FOXK2: variants seen among roughly 807,000 people sequenced by gnomAD.
The protein encoded by FOXK2 is forkhead box protein K2.
FOXK2 carries 24 observed loss-of-function variants against 53.3 expected under a neutral mutation model. That is an observed-to-expected ratio of 0.45 (90% CI 0.33 to 0.63). FOXK2 has a LOEUF of 0.63. Ranked by LOEUF, FOXK2 falls within the 30% of genes least tolerant of loss-of-function variation. The pLI is 0.03. For missense variants in FOXK2, 952 were observed against 910.5 expected (o/e 1.05, Z -0.59); for synonymous variants, 505 against 407.1 (o/e 1.24, Z -2.89).
chr17:82,573,862 C>A (rs2044951198), intron 4 of FOXK2, among the ~76,000 whole-genome samples: 2 of 152,208 alleles, frequency 1.3e-5, no homozygotes, highest in Non-Finnish European at 2.9e-5. Context: ...TTGAGAACTA[C>A]CTATGAACAG....
chr17:82,540,163 C>T (rs1329590217), intron 1 of FOXK2, among the ~76,000 whole-genome samples: 1 of 151,976 alleles, frequency 6.6e-6, no homozygotes, highest in East Asian at 1.9e-4. Flanking sequence ...TGCCTGTAAT[C>T]CTGGCTACTT....
At chr17:82,535,746 T>C (rs929311129) in intron 1 of FOXK2, among the ~76,000 whole-genome samples, 9 of 127,720 alleles carry the variant, frequency 7.0e-5, no homozygotes, top group African/African-American at 2.6e-4. Flanking sequence ...TTGTGTGTTT[T>C]TGTTTTTGTT....
chr17:82,564,973 G>A (rs952848968), intron 2 of FOXK2, among the ~76,000 whole-genome samples: 2 of 151,606 alleles, frequency 1.3e-5, no homozygotes, highest in Non-Finnish European at 2.9e-5. Flanking sequence ...CAGGTGATCC[G>A]CCTGCCTCGG....
intron 1 of FOXK2, among the ~76,000 whole-genome samples, chr17:82,542,038 G>A (rs1006848532): frequency 1.3e-5 from 2 of 151,770 alleles, no homozygotes; most frequent in South Asian, 4.2e-4. Flanking sequence ...GCACCACCAC[G>A]CCTGGCTATG....
chr17:82,599,700 C>A (rs1306188332), intron 8 of FOXK2: 1 of 152,422 alleles, frequency 6.6e-6, no homozygotes, highest in Middle Eastern at 3.4e-3. Flanking sequence ...GACCACGCAC[C>A]TGGCCGGACT....
At chr17:82,586,267 G>T in intron 7 of FOXK2, 67 bp downstream of exon 7, 1 of 492,568 alleles carries the variant, frequency 2.0e-6, no homozygotes, top group East Asian at 3.8e-5. Context: ...GGGGGGGAAA[G>T]GAGGAGAGGG....
chr17:82,528,772 A>G (rs1270055695), intron 1 of FOXK2, among the ~76,000 whole-genome samples: 3 of 152,230 alleles, frequency 2.0e-5, no homozygotes, highest in Non-Finnish European at 4.4e-5. Flanking sequence ...TGTTAGGAAC[A>G]GAGAAGGTGC....
chr17:82,544,844 C>T (rs1432315707), intron 1 of FOXK2, among the ~76,000 whole-genome samples: 1 of 152,070 alleles, frequency 6.6e-6, no homozygotes, highest in East Asian at 1.9e-4. Context: ...AGCTCTGTGT[C>T]TGCAGTGCTA....
chr17:82,594,221 G>A, intron 8 of FOXK2, among the ~76,000 whole-genome samples: 1 of 152,224 alleles, frequency 6.6e-6, no homozygotes, highest in Non-Finnish European at 1.5e-5. Context: ...TAGACAGGCC[G>A]GGCACGGCGG....
At chr17:82,595,676 A>G (rs2045302459) in intron 8 of FOXK2, 3 of 890,754 alleles carry the variant, frequency 3.4e-6, no homozygotes, top group South Asian at 1.6e-5. Flanking sequence ...TGAAAGCTCT[A>G]ACAGTGGGGT....
chr17:82,538,100 G>C (rs764415862), intron 1 of FOXK2, among the ~76,000 whole-genome samples: 4 of 152,014 alleles, frequency 2.6e-5, no homozygotes, highest in Non-Finnish European at 5.9e-5. Context: ...GTCGGTGCCT[G>C]TAATCCCAGC....
At chr17:82,567,901 CA>C (rs2044869117) in intron 2 of FOXK2, among the ~76,000 whole-genome samples, 152 bp from the exon 3 acceptor site, 1 of 149,964 alleles carries the variant, frequency 6.7e-6, no homozygotes, top group Admixed American at 6.7e-5. Flanking sequence ...TCTGTGTTTC[CA>C]TAGGAAATGC....
intron 1 of FOXK2, among the ~76,000 whole-genome samples, chr17:82,560,287 C>T (rs2044778922): frequency 6.6e-6 from 1 of 152,164 alleles, no homozygotes; most frequent in South Asian, 2.1e-4. Flanking sequence ...GAATTACAGG[C>T]ATGAACCACT....
At chr17:82,595,647 G>A in intron 8 of FOXK2, 2 of 588,162 alleles carry the variant, frequency 3.4e-6, no homozygotes, top group South Asian at 3.9e-5. Flanking sequence ...CTATACATGT[G>A]GTCACGGTTT....
chr17:82,555,293 A>G (rs72861086), intron 1 of FOXK2, among the ~76,000 whole-genome samples: 27,420 of 152,180 alleles, frequency 0.18, 2,813 homozygotes, highest in Non-Finnish European at 0.24. Context: ...CCCTGCAGCC[A>G]TGTGGGGAAG....
chr17:82,525,802 G>C (rs535977904), intron 1 of FOXK2, among the ~76,000 whole-genome samples: 1 of 152,292 alleles, frequency 6.6e-6, no homozygotes, highest in South Asian at 2.1e-4. Context: ...TTATTTAGAA[G>C]AGTGACCCCT....
intron 6 of FOXK2, chr17:82,585,102 G>A (rs557604145): frequency 6.6e-6 from 1 of 152,220 alleles, no homozygotes; most frequent in Non-Finnish European, 1.5e-5. Context: ...TTTGCTCTAA[G>A]CCCCCAAACC....
chr17:82,525,143 T>C (rs1213248094), intron 1 of FOXK2, among the ~76,000 whole-genome samples: 2 of 150,980 alleles, frequency 1.3e-5, no homozygotes, highest in African/African-American at 2.4e-5. Flanking sequence ...GCCCGGCTAA[T>C]TTTTGTATTT....
At chr17:82,542,985 C>T (rs1320651336) in intron 1 of FOXK2, among the ~76,000 whole-genome samples, 2 of 151,996 alleles carry the variant, frequency 1.3e-5, no homozygotes, top group South Asian at 4.2e-4. Flanking sequence ...AGAGTGAAAC[C>T]CTGTATAAAT....
Sources: allele counts gnomAD v4.1 joint callset (sites outside exome capture counted in the v4.1 genomes callset), GRCh38; gene constraint gnomAD v4.1.1; transcripts MANE v1.5; gene names NCBI Gene and HGNC (gene_info 2026-07-23, HGNC 2026-07-21).